The following GPD1 variants were observed in gnomAD, a reference collection of about 807,000 sequenced individuals.
GPD1 encodes glycerol-3-phosphate dehydrogenase 1.
GPD1 carries 19 observed loss-of-function variants against 34.4 expected under a neutral mutation model. That is an observed-to-expected ratio of 0.55 (90% confidence interval 0.39 to 0.81). The LOEUF is 0.81. Among genes scored for constraint, GPD1 ranks in the 30% least tolerant of loss-of-function variants. The pLI is 0.00. For synonymous variants in GPD1, 172 were observed against 174.1 expected (o/e 0.99, Z 0.09); for missense variants, 429 against 447.0 (o/e 0.96, Z 0.36).
At position 50,104,657 on chromosome 12, in the gene GPD1, A is replaced by G; in HGVS notation, c.125A>G (p.Glu42Gly). 1 of 1,613,764 alleles carries G rather than the reference A, an allele frequency of 6.2e-7. No individual in the cohort carries two copies. The highest frequency in any genetic ancestry group is 8.5e-7 in the Non-Finnish European group (1 of 1,179,650). Residue 42 changes from glutamate (E) to glycine (G), a missense_variant, in exon 2 of 8, where the codon GAG becomes GGG. Physicochemically the swap from Glu to Gly is moderately conservative, Grantham distance 98 (BLOSUM62 -2). Coordinates refer to ENST00000301149, the MANE Select transcript of GPD1 (RefSeq NM_005276.4). ...CCACGGGTGACCATGTGGGTATTTG[A>G]GGAAGACATTGGAGGCAAAAAGCTG... is the stretch of plus-strand genomic sequence containing the variant. ...FDPRVTMWVF[E>G]EDIGGKKLTE...
rs765075876 is a variant in GPD1, at chr12:50,109,863, G to A, written c.*344G>A. The A allele has an allele frequency of 1.5e-5, 4 of 262,900 alleles. No homozygotes were observed. The highest frequency in any genetic ancestry group is 5.0e-5 in the South Asian group (1 of 20,052). The allele number at this position is 262,900 out of a possible 1,614,324, so 16.3% of individuals were successfully genotyped here. On this transcript the variant is annotated 3_prime_UTR_variant, in exon 8 of 8. Transcript: ENST00000301149. Reference sequence around the variant, plus strand: ...GTGGAGAAGGGTTGGGGGAGAGGCCGGTAGGGCAGGGGCTGCTAGTGGCTG... The same window carrying A: ...GTGGAGAAGGGTTGGGGGAGAGGCCAGTAGGGCAGGGGCTGCTAGTGGCTG...
chr12:50,108,396 G>T (rs1950998781), intron 7 of GPD1, among the ~76,000 whole-genome samples: 1 of 152,062 alleles, frequency 6.6e-6, no homozygotes, highest in South Asian at 2.1e-4. Flanking sequence ...CTTGTCCTCT[G>T]CTCTGGGGTT....
Position 50,106,864 on chromosome 12 carries a change from C to G in GPD1, c.559C>G (p.Arg187Gly). Reference sequence around the variant, plus strand: ...AGAGCTGATGCAGACACCAAACTTCCGTATCACAGTGGTGCAAGAGGTGGA... The same window carrying G: ...AGAGCTGATGCAGACACCAAACTTCGGTATCACAGTGGTGCAAGAGGTGGA... ...LKELMQTPNF[R>G]ITVVQEVDTV... Residue 187 changes from arginine (R) to glycine (G), a missense_variant, in exon 5 of 8, where the codon CGT becomes GGT. Transcript: ENST00000301149. 4.3e-6 allele frequency: 7 copies of G among 1,613,424 alleles called. No homozygotes were observed. The highest frequency in any genetic ancestry group is 5.9e-6 in the Non-Finnish European group (7 of 1,179,386).
intron 3 of GPD1, 126 bp from the exon 4 acceptor site, chr12:50,106,162 G>C (rs770829796): frequency 1.5e-5 from 12 of 826,574 alleles, no homozygotes; most frequent in Non-Finnish European, 1.9e-5. Flanking sequence ...GAGCTGGGTT[G>C]GAATGGGGCA....
At chr12:50,107,516 G>A in intron 5 of GPD1, 51 bp from the exon 6 acceptor site, 12 of 1,331,410 alleles carry the variant, frequency 9.0e-6, no homozygotes, top group Non-Finnish European at 1.3e-5. Flanking sequence ...GGCTCCACAT[G>A]GGGCCTATAG....
At position 50,108,553 on chromosome 12, in the gene GPD1, G is replaced by A. The variant is rs144085000; in HGVS notation, c.953+423G>A. Among the ~76,000 whole-genome samples, 186 of 152,230 alleles carry A rather than the reference G, an allele frequency of 1.2e-3. 1 individual carries two copies. Among genetic ancestry groups the A allele is most frequent in the African/African-American group, 4.0e-3 (164 of 41,516 alleles). Reference sequence around the variant, plus strand: ...GAGAAGGATGGGCTTCAAGGTGCTCGTTTTCAGAAAGACAGCGGGGGTGAT... The same window carrying A: ...GAGAAGGATGGGCTTCAAGGTGCTCATTTTCAGAAAGACAGCGGGGGTGAT... On this transcript the variant is annotated intron_variant, in intron 7 of 7. Coordinates refer to ENST00000301149, the MANE Select transcript of GPD1 (RefSeq NM_005276.4).
At chr12:50,104,950 G>C (rs554429832) in intron 2 of GPD1, among the ~76,000 whole-genome samples, 199 bp downstream of exon 2, 2 of 152,222 alleles carry the variant, frequency 1.3e-5, no homozygotes, top group East Asian at 1.9e-4. Flanking sequence ...GCTCCCAGGC[G>C]GGTGGGTGGG....
chr12:50,108,193 A>T, intron 7 of GPD1, 63 bp downstream of exon 7: 2 of 897,862 alleles, frequency 2.2e-6, no homozygotes, highest in Non-Finnish European at 3.7e-6. Flanking sequence ...CGCCCTGTTC[A>T]TCATCTTCCT....
chr12:50,106,544 T>A, intron 4 of GPD1, 118 bp downstream of exon 4: 2 of 1,035,452 alleles, frequency 1.9e-6, no homozygotes, highest in Non-Finnish European at 2.9e-6. Context: ...AATACAAGCA[T>A]CAGAGGTGAA....
At chr12:50,105,498 G>A (rs767967933) in intron 2 of GPD1, 50 bp from the exon 3 acceptor site, 2 of 1,578,906 alleles carry the variant, frequency 1.3e-6, no homozygotes, top group African/African-American at 2.7e-5. Context: ...GGGTTCCACA[G>A]GGGCTAGGGG....
intron 3 of GPD1, 129 bp from the exon 4 acceptor site, chr12:50,106,159 G>T: frequency 1.2e-6 from 1 of 809,082 alleles, no homozygotes; most frequent in African/African-American, 1.7e-5. Flanking sequence ...CTTGAGCTGG[G>T]TTGGAATGGG....
At chr12:50,108,389 G>T (rs1025452959) in intron 7 of GPD1, among the ~76,000 whole-genome samples, 3 of 151,994 alleles carry the variant, frequency 2.0e-5, no homozygotes, top group African/African-American at 7.3e-5. Flanking sequence ...CTCCTTCCTT[G>T]TCCTCTGCTC....
chr12:50,110,773 C>G lies in GPD1; in HGVS notation c.*1254C>G, dbSNP rs1473879246. The G allele has an allele frequency of 6.5e-6, 1 of 152,816 alleles. No individual in the cohort carries two copies. Among genetic ancestry groups the G allele is most frequent in the Non-Finnish European group, 1.5e-5 (1 of 68,194 alleles). The allele number at this position is 152,816 out of a possible 1,614,324, so 9.5% of individuals were successfully genotyped here. A position where few individuals can be genotyped will look rare whatever the true frequency, so the allele number is the denominator to read the frequency against. ...GGAGGAGGAAGAAAATCAAAACCAC[C>G]CTACTCCCTGGGGTGAGGAAAGAAC... On this transcript the variant is annotated 3_prime_UTR_variant, in exon 8 of 8. Transcript: ENST00000301149.
intron 2 of GPD1, 76 bp downstream of exon 2, chr12:50,104,827 T>A (rs1046026738): frequency 2.6e-5 from 33 of 1,262,600 alleles, no homozygotes; most frequent in Non-Finnish European, 3.2e-5. Flanking sequence ...ACTCAACAGG[T>A]GCCTCCTGCT....
chr12:50,108,180 G>C (rs745787292), intron 7 of GPD1, 50 bp downstream of exon 7: 3 of 1,026,776 alleles, frequency 2.9e-6, no homozygotes, highest in South Asian at 2.7e-5. Flanking sequence ...AGCCAGAAGT[G>C]CTCGCCCTGT....
rs777046660 is a variant in GPD1 at position 50,105,562 on chromosome 12, TGTG to T, written c.237_239del (p.Val80del). On this transcript the variant is annotated inframe_deletion, in exon 3 of 8. Transcript: ENST00000301149. ...CACCCCCACAGGTGGCTGTCCCAGA[TGTG>T]GTCCAGGCTGCAGAGGATGCTGACA... 27 of 1,613,058 alleles carry T rather than the reference TGTG, an allele frequency of 1.7e-5. No individual in the cohort carries two copies. In the East Asian group the frequency reaches 5.6e-4, roughly 33 times the overall value.
chr12:50,109,828 G>A lies in GPD1; in HGVS notation c.*309G>A. The A allele has an allele frequency of 2.9e-6, 1 of 347,512 alleles. No homozygotes were observed. Among genetic ancestry groups the A allele is most frequent in the South Asian group, 3.2e-5 (1 of 30,850 alleles). 21.5% of individuals were successfully genotyped at this position (347,512 alleles called of 1,614,324 possible). ...CCAGTGCTGCCTGCTTGGTGGCGGGGGTGATGTATGTGGAGAAGGGTTGGG... is the reference window on the plus strand; with the variant it reads ...CCAGTGCTGCCTGCTTGGTGGCGGGAGTGATGTATGTGGAGAAGGGTTGGG... On this transcript the variant is annotated 3_prime_UTR_variant, in exon 8 of 8. Transcript: ENST00000301149.
chr12:50,104,041 A>G lies in GPD1; in HGVS notation c.-10A>G. 1 of 1,614,000 alleles carries G rather than the reference A, an allele frequency of 6.2e-7. No homozygotes were observed. Among genetic ancestry groups the G allele is most frequent in the Admixed American group, 1.7e-5 (1 of 60,020 alleles). ...TGGCACTGAGCCGGCTCAGGCAGAG[A>G]CGCGGCACCATGGCTAGCAAGAAAG... On this transcript the variant is annotated 5_prime_UTR_variant, in exon 1 of 8. Transcript: ENST00000301149.
rs1284121997 is a variant in GPD1, at chr12:50,110,885, G to A, written c.*1366G>A. 1 of 152,796 alleles carries A rather than the reference G, an allele frequency of 6.5e-6. No homozygotes were observed. Among genetic ancestry groups the A allele is most frequent in the African/African-American group, 2.4e-5 (1 of 41,428 alleles). The allele number at this position is 152,796 out of a possible 1,614,324, so 9.5% of individuals were successfully genotyped here. On this transcript the variant is annotated 3_prime_UTR_variant, in exon 8 of 8. Coordinates refer to ENST00000301149, the MANE Select transcript of GPD1 (RefSeq NM_005276.4). Reference sequence around the variant, plus strand: ...AGGAATGTCACAGGTCAGCAGCCTAGGCCTCCAGCTATAAATAGTCCGGAG... The same window carrying A: ...AGGAATGTCACAGGTCAGCAGCCTAAGCCTCCAGCTATAAATAGTCCGGAG...
Sources: allele counts gnomAD v4.1 joint callset (sites outside exome capture counted in the v4.1 genomes callset), GRCh38; gene constraint gnomAD v4.1.1; transcripts MANE v1.5; gene names NCBI Gene and HGNC (gene_info 2026-07-23, HGNC 2026-07-21).